Variants in THADA observed in about 807,000 individuals in gnomAD.
THADA encodes THADA armadillo repeat containing, also known as tRNA (32-2'-O)-methyltransferase regulator THADA.
THADA carries 213 observed loss-of-function variants against 219.8 expected under a neutral mutation model. The ratio of observed to expected loss-of-function variants is 0.97; its 90% CI spans 0.87 to 1.09. THADA has a LOEUF of 1.09. THADA is among the 50% of genes least tolerant of loss of function. THADA has a pLI of 0.00. For missense variants in THADA, 2,956 were observed against 2,311.3 expected (o/e 1.28, Z -5.72); for synonymous variants, 1,018 against 828.9 (o/e 1.23, Z -3.92).
At chr2:43,376,715 CT>C (rs1671422889) in intron 29 of THADA, among the ~76,000 whole-genome samples, 1 of 152,158 alleles carries the variant, frequency 6.6e-6, no homozygotes, top group South Asian at 2.1e-4. Context: ...TTACAACACA[CT>C]TATCTCTACC....
At chr2:43,318,262 A>G (rs535760399) in intron 31 of THADA, among the ~76,000 whole-genome samples, 134 of 152,116 alleles carry the variant, frequency 8.8e-4, no homozygotes, top group African/African-American at 3.2e-3. Flanking sequence ...GCTGGTCTCA[A>G]ACTTCTGGCC....
At chr2:43,468,694 T>C (rs1684556029) in intron 26 of THADA, among the ~76,000 whole-genome samples, 1 of 152,160 alleles carries the variant, frequency 6.6e-6, no homozygotes, top group African/African-American at 2.4e-5. Context: ...GAATTTGGTA[T>C]CTGAGGGCAT....
intron 28 of THADA, among the ~76,000 whole-genome samples, chr2:43,413,387 G>C (rs913206490): frequency 3.3e-5 from 5 of 152,172 alleles, no homozygotes; most frequent in African/African-American, 9.7e-5. Context: ...TCAGCAGTCT[G>C]ATTAGCAAAG....
Position 43,301,727 on chromosome 2 carries a change from A to C in THADA, c.4439-8514T>G, listed in dbSNP as rs548375825. On this transcript the variant is annotated intron_variant, in intron 31 of 37. Coordinates refer to ENST00000405975, the MANE Select transcript of THADA (RefSeq NM_022065.5). Reference sequence around the variant, plus strand: ...CTCATGTCAGGGGACACTTGACCACATCTCTGGGGTGAAACCTAGCAGTCT... The same window carrying C: ...CTCATGTCAGGGGACACTTGACCACCTCTCTGGGGTGAAACCTAGCAGTCT... Among the ~76,000 whole-genome samples, 16 of 152,314 alleles carry C rather than the reference A, an allele frequency of 1.1e-4. No individual in the cohort carries two copies. The East Asian group carries it at 3.1e-3, about 29-fold the overall frequency.
rs1387135388 is a variant in THADA, at chr2:43,581,879, G to A, written c.583C>T (p.Leu195=). ...ATCATTGAAACTCTAATGCCTACCA[G>A]TAAGTCATTCATCAACTGTGTTTGA... ...IIQTQLMNDL[L]VGIRVSMMLV... The change falls in exon 8 of 38, where the codon CTG becomes TTG. Residue 195 remains leucine (L), a synonymous_variant. Transcript: ENST00000405975. 4 of 1,600,912 alleles carry A rather than the reference G, an allele frequency of 2.5e-6. No homozygotes were observed. The highest frequency in any genetic ancestry group is 1.8e-5 in the Admixed American group (1 of 56,816).
rs547367981 is a variant in THADA at position 43,588,919 on chromosome 2, T to C, written c.302+1905A>G. ...ACTTTATACCATGTAATATAAATCA[T>C]GTAATATGTACCATATATAGATACA... On this transcript the variant is annotated intron_variant, in intron 4 of 37. Coordinates refer to ENST00000405975, the MANE Select transcript of THADA (RefSeq NM_022065.5). Among the ~76,000 whole-genome samples the C allele has an allele frequency of 2.6e-5, 4 of 152,280 alleles. No individual in the cohort carries two copies. In the South Asian group the frequency reaches 8.3e-4, roughly 32 times the overall value.
intron 29 of THADA, among the ~76,000 whole-genome samples, chr2:43,376,653 T>C (rs1037983322): frequency 6.6e-6 from 1 of 152,184 alleles, no homozygotes. Context: ...CAAATGTCAG[T>C]AATGACTGAC....
At chr2:43,491,459 G>T (rs190219038) in intron 25 of THADA, among the ~76,000 whole-genome samples, 21 of 152,292 alleles carry the variant, frequency 1.4e-4, no homozygotes, top group Admixed American at 1.0e-3. Context: ...GATAATAGCT[G>T]TAATGAACCA....
intron 7 of THADA, among the ~76,000 whole-genome samples, chr2:43,585,581 A>AGATAGATAGAT (rs1559027786): frequency 6.9e-6 from 1 of 144,312 alleles, no homozygotes; most frequent in East Asian, 2.0e-4. Context: ...GATAGATAGA[A>AGATAGATAGAT]AGAAATACAT....
chr2:43,264,754 G>C (rs1671333004), intron 36 of THADA, among the ~76,000 whole-genome samples: 3 of 152,280 alleles, frequency 2.0e-5, no homozygotes, highest in Admixed American at 6.5e-5. Context: ...GAGGGCAAGA[G>C]GATAGAGGGC....
chr2:43,312,886 TG>T (rs1199850009), intron 31 of THADA, among the ~76,000 whole-genome samples: 7 of 152,172 alleles, frequency 4.6e-5, no homozygotes, highest in African/African-American at 1.7e-4. Context: ...CATCCAACAC[TG>T]ATAAAGTGCA....
intron 35 of THADA, among the ~76,000 whole-genome samples, chr2:43,285,071 G>A (rs1034504323): frequency 6.6e-6 from 1 of 152,182 alleles, no homozygotes; most frequent in Admixed American, 6.5e-5. Flanking sequence ...GATTTTACAG[G>A]CTCATGGGTG....
In THADA at chr2:43,459,032, C is replaced by G. The variant is rs1270270743; in HGVS notation, c.3836+26202G>C. Among the ~76,000 whole-genome samples the G allele has an allele frequency of 3.9e-5, 6 of 152,268 alleles. No individual in the cohort carries two copies. The East Asian group carries it at 1.2e-3, about 29-fold the overall frequency. On this transcript the variant is annotated intron_variant, in intron 26 of 37. Transcript: ENST00000405975. ...CATTATTCTAACAAACAAAATTATT[C>G]AAACAAACAGATCTCTCAGTCTTGA... is the stretch of plus-strand genomic sequence containing the variant.
chr2:43,317,544 T>C (rs955917192), intron 31 of THADA, among the ~76,000 whole-genome samples: 2 of 152,364 alleles, frequency 1.3e-5, no homozygotes, highest in South Asian at 2.1e-4. Flanking sequence ...TATTTATCTA[T>C]TGCTCAACCT....
chr2:43,518,240 A>C (rs946350338), intron 22 of THADA, among the ~76,000 whole-genome samples: 1 of 152,218 alleles, frequency 6.6e-6, no homozygotes, highest in African/African-American at 2.4e-5. Flanking sequence ...ACTTCATTGA[A>C]TATGGCAGTC....
chr2:43,373,008 A>C (rs1409832907), intron 29 of THADA, among the ~76,000 whole-genome samples: 2 of 152,120 alleles, frequency 1.3e-5, no homozygotes, highest in East Asian at 3.9e-4. Flanking sequence ...GTAAGTATTT[A>C]AACTCTCCAT....
intron 26 of THADA, among the ~76,000 whole-genome samples, chr2:43,466,950 A>C (rs1419211273): frequency 6.6e-6 from 1 of 152,052 alleles, no homozygotes. Context: ...TGGGAGGCCG[A>C]GGCGGGCGGA....
At chr2:43,352,452 G>A (rs1181477076) in intron 29 of THADA, among the ~76,000 whole-genome samples, 1 of 152,066 alleles carries the variant, frequency 6.6e-6, no homozygotes, top group African/African-American at 2.4e-5. Context: ...CAGCTACTTG[G>A]GAGACTGAGG....
At chr2:43,471,226 T>C (rs548827165) in intron 26 of THADA, among the ~76,000 whole-genome samples, 1 of 152,152 alleles carries the variant, frequency 6.6e-6, no homozygotes, top group African/African-American at 2.4e-5. Flanking sequence ...TATCTCTGAT[T>C]ATAAAGAATA....
Sources: gnomAD v4.1 joint callset for allele counts (sites outside exome capture counted in the v4.1 genomes callset) on GRCh38, gnomAD v4.1.1 for gene constraint, MANE v1.5 for transcripts, NCBI Gene and HGNC (gene_info 2026-07-23, HGNC 2026-07-21) for gene names.